Variants in ZFP1 observed in about 807,000 individuals in gnomAD.
The protein encoded by ZFP1 is zinc finger protein 1 homolog.
In ZFP1, 32 loss-of-function variants were observed where a neutral mutation model predicts 38.5. That is an observed-to-expected ratio of 0.83 (90% CI 0.63 to 1.12). The LOEUF is 1.12. Among genes scored for constraint, ZFP1 ranks in the 50% most tolerant of loss-of-function variants. The pLI is 0.00. For synonymous variants in ZFP1, 245 were observed against 168.8 expected (o/e 1.45, Z -3.50); for missense variants, 616 against 480.8 (o/e 1.28, Z -2.63).
Position 75,169,359 on chromosome 16 carries a change from C to T in ZFP1, c.249C>T (p.Gly83=), listed in dbSNP as rs150988537. The T allele has an allele frequency of 6.4e-5, 103 of 1,613,926 alleles. No individual in the cohort carries two copies. Among genetic ancestry groups the T allele is most frequent in the Non-Finnish European group, 8.2e-5 (97 of 1,180,018 alleles). Residue 83 remains glycine, a synonymous_variant, in exon 4 of 4, where the codon GGC becomes GGT. Coordinates refer to ENST00000570010, the MANE Select transcript of ZFP1 (RefSeq NM_153688.4). The part of the protein sequence containing the change: ...LKNQTPIEER[G]DLFGKALNLN... ...ACCAAACCCCAATTGAGGAAAGAGG[C>T]GATCTCTTTGGAAAAGCACTTAATC...
chr16:75,141,722 G>T, the ZFP1 span, among the ~76,000 whole-genome samples: 389 of 146,532 alleles, frequency 2.7e-3, 7 homozygotes, highest in Non-Finnish European at 2.1e-3. Context: ...CCCTGTCTCT[G>T]CAAAATAAAC....
chr16:75,125,299 A>G, the ZFP1 span, among the ~76,000 whole-genome samples: 2 of 151,996 alleles, frequency 1.3e-5, no homozygotes, highest in African/African-American at 2.4e-5. Context: ...ACATCCTTCT[A>G]TCTGCCTGTA....
the ZFP1 span, among the ~76,000 whole-genome samples, chr16:75,135,209 C>CAAAAAAAAAAAAA: frequency 0.056 from 831 of 14,944 alleles, 320 homozygotes; most frequent in Non-Finnish European, 0.072. Context: ...GACCTTATCT[C>CAAAAAAAAAAAAA]AAAAAAAAAA....
upstream of ZFP1, chr16:75,148,449 C>T (rs913638439): frequency 6.6e-6 from 1 of 152,260 alleles, no homozygotes; most frequent in Non-Finnish European, 1.5e-5. Context: ...GGATGGTCCA[C>T]CCCTCCGAGG....
chr16:75,165,099 C>T (rs1050044753), intron 2 of ZFP1, among the ~76,000 whole-genome samples: 1 of 152,174 alleles, frequency 6.6e-6, no homozygotes, highest in African/African-American at 2.4e-5. Flanking sequence ...ACCATCGCGC[C>T]CGGCCTCCAT....
chr16:75,166,446 G>A (rs866478979), intron 2 of ZFP1: 7 of 645,768 alleles, frequency 1.1e-5, no homozygotes, highest in Admixed American at 6.3e-5. Flanking sequence ...GGCTGGTCTC[G>A]AACTCCCGAC....
intron 2 of ZFP1, among the ~76,000 whole-genome samples, chr16:75,156,426 C>T (rs1477699087): frequency 6.6e-6 from 1 of 151,740 alleles, no homozygotes; most frequent in African/African-American, 2.4e-5. Context: ...TACTGCACTC[C>T]AGCCTGGGCA....
intron 1 of ZFP1, 84 bp downstream of exon 1, chr16:75,148,727 T>G (rs1434982541): frequency 2.0e-5 from 3 of 151,870 alleles, no homozygotes; most frequent in African/African-American, 7.3e-5. Flanking sequence ...CCGCGCAGGG[T>G]GGGAGCCCAA....
chr16:75,124,190 T>G, the ZFP1 span, among the ~76,000 whole-genome samples: 2 of 149,094 alleles, frequency 1.3e-5, no homozygotes, highest in South Asian at 4.2e-4. Flanking sequence ...GAGACAAGAG[T>G]CTTGCTCTGT....
chr16:75,128,988 C>G, the ZFP1 span, among the ~76,000 whole-genome samples: 1 of 152,050 alleles, frequency 6.6e-6, no homozygotes, highest in African/African-American at 2.4e-5. Flanking sequence ...CGGGGTTTCT[C>G]CATGTTGGTC....
chr16:75,167,396 C>CTTT (rs11417475), intron 3 of ZFP1, among the ~76,000 whole-genome samples: 1 of 148,644 alleles, frequency 6.7e-6, no homozygotes, highest in African/African-American at 2.5e-5. Flanking sequence ...CCCTGCTTAC[C>CTTT]TTTTTTTTTT....
intron 2 of ZFP1, among the ~76,000 whole-genome samples, chr16:75,162,431 G>A (rs2037835150): frequency 6.6e-6 from 1 of 152,024 alleles, no homozygotes; most frequent in Non-Finnish European, 1.5e-5. Flanking sequence ...CCAAGTATAG[G>A]TCAACTTAAT....
chr16:75,170,083 G>A lies in ZFP1; in HGVS notation c.973G>A (p.Glu325Lys). ...GATTCACACGGGGGAGAAACGCTATGAGTGCAGTGAATGTGGAAAATCCTT... is the reference window on the plus strand; with the variant it reads ...GATTCACACGGGGGAGAAACGCTATAAGTGCAGTGAATGTGGAAAATCCTT... ...QKIHTGEKRY[E>K]CSECGKSFIQ... is the part of the protein sequence containing the mutation. The change falls in exon 4 of 4, where the codon GAG (glutamate) becomes AAG (lysine). Residue 325 changes from glutamate (E) to lysine (K), a missense_variant. Glu to Lys is a moderately conservative substitution (Grantham distance 56). Coordinates refer to ENST00000570010, the MANE Select transcript of ZFP1 (RefSeq NM_153688.4). 6.2e-7 allele frequency: 1 copy of A among 1,614,144 alleles called. No homozygotes were observed. Among genetic ancestry groups the A allele is most frequent in the South Asian group, 1.1e-5 (1 of 91,080 alleles).
Position 75,169,392 on chromosome 16 carries a change from A to G in ZFP1, c.282A>G (p.Thr94=). 1.9e-6 allele frequency: 3 copies of G among 1,614,206 alleles called. No individual in the cohort carries two copies. Among genetic ancestry groups the G allele is most frequent in the South Asian group, 1.1e-5 (1 of 91,084 alleles). ...TTGGAAAAGCACTTAATCTGAACAC[A>G]GACTTTGTTTCTTTAAGACAAGTAC... ...DLFGKALNLN[T]DFVSLRQVPY... Residue 94 remains threonine, a synonymous_variant, in exon 4 of 4, where the codon ACA becomes ACG. Transcript: ENST00000570010.
chr16:75,151,929 T>A (rs2145499680), intron 1 of ZFP1, among the ~76,000 whole-genome samples: 1 of 152,350 alleles, frequency 6.6e-6, no homozygotes, highest in East Asian at 1.9e-4. Flanking sequence ...TACTTCATTA[T>A]CATTTTTGAA....
chr16:75,140,342 G>T, the ZFP1 span, among the ~76,000 whole-genome samples: 1 of 151,920 alleles, frequency 6.6e-6, no homozygotes, highest in Non-Finnish European at 1.5e-5. Flanking sequence ...ACTGAGACAG[G>T]AGGACCACTT....
upstream of ZFP1, chr16:75,144,015 C>A (rs1276763853): frequency 1.3e-5 from 2 of 152,168 alleles, no homozygotes; most frequent in African/African-American, 4.8e-5. Flanking sequence ...ACATTTAGAA[C>A]CTCTGCATGA....
At chr16:75,128,979 G>A in the ZFP1 span, among the ~76,000 whole-genome samples, 3 of 151,966 alleles carry the variant, frequency 2.0e-5, no homozygotes, top group South Asian at 2.1e-4. Flanking sequence ...TAGTAGAGAC[G>A]GGGTTTCTCC....
the ZFP1 span, among the ~76,000 whole-genome samples, chr16:75,135,471 G>A: frequency 1.3e-5 from 2 of 152,160 alleles, no homozygotes; most frequent in Non-Finnish European, 2.9e-5. Flanking sequence ...ACAGTAAAAA[G>A]ATTAGTGATT....
Sources: gnomAD v4.1 joint callset for allele counts (sites outside exome capture counted in the v4.1 genomes callset) on GRCh38, gnomAD v4.1.1 for gene constraint, MANE v1.5 for transcripts, NCBI Gene and HGNC (gene_info 2026-07-23, HGNC 2026-07-21) for gene names.